Variants in ANKMY1 observed in about 807,000 individuals in gnomAD.
The protein encoded by ANKMY1 is ankyrin repeat and MYND domain-containing protein 1.
A neutral mutation model predicts 102.0 loss-of-function variants in ANKMY1; 98 were observed. The ratio of observed to expected loss-of-function variants is 0.96; its 90% confidence interval spans 0.82 to 1.14. The LOEUF (loss-of-function observed/expected upper bound fraction) is 1.14. Ranked by LOEUF, ANKMY1 falls within the 50% of genes most tolerant of loss-of-function variation. ANKMY1 has a pLI of 0.00. For synonymous variants in ANKMY1, 582 were observed against 559.9 expected (o/e 1.04, Z -0.56); for missense variants, 1,330 against 1,347.6 (o/e 0.99, Z 0.20).
intron 8 of ANKMY1, chr2:240,523,636 C>G: frequency 1.7e-6 from 1 of 605,052 alleles, no homozygotes; most frequent in Non-Finnish European, 2.8e-6. Flanking sequence ...TGGCGTGGTA[C>G]TGAAAACAGC....
At chr2:240,548,960 A>G (rs1230613735) in intron 4 of ANKMY1, among the ~76,000 whole-genome samples, 1 of 152,204 alleles carries the variant, frequency 6.6e-6, no homozygotes, top group Admixed American at 6.5e-5. Context: ...TACAGATTCA[A>G]TGCCATCCCC....
chr2:240,482,751 GAGA>G (rs1193295692), intron 15 of ANKMY1, among the ~76,000 whole-genome samples: 1 of 152,212 alleles, frequency 6.6e-6, no homozygotes, highest in East Asian at 1.9e-4. Context: ...CAGTATGCTT[GAGA>G]AGAACACAGG....
chr2:240,522,126 C>T (rs1382011869), intron 8 of ANKMY1: 1 of 149,388 alleles, frequency 6.7e-6, no homozygotes, highest in African/African-American at 2.4e-5. Flanking sequence ...GTCCATTTTA[C>T]AGAACGCTGA....
chr2:240,551,196 C>A (rs546891604), intron 4 of ANKMY1, among the ~76,000 whole-genome samples: 3 of 145,044 alleles, frequency 2.1e-5, no homozygotes, highest in African/African-American at 7.7e-5. Context: ...TTTTGTCTTT[C>A]AGAGTCAGGA....
At chr2:240,514,379 G>C (rs547198943) in intron 9 of ANKMY1, among the ~76,000 whole-genome samples, 3 of 152,124 alleles carry the variant, frequency 2.0e-5, no homozygotes, top group African/African-American at 7.2e-5. Context: ...CCAGTGCTAA[G>C]GTGACTTAAT....
chr2:240,509,437 G>C lies in ANKMY1; in HGVS notation c.2305C>G (p.Arg769Gly). ...TTTGCTCCGTGGGATAGAAGGAGCC[G>C]GACTATGTCCCTGGCACACTGGGTG... The part of the protein sequence containing the change: ...DDNKCARDIV[R>G]LLLSHGANPN... Residue 769 changes from arginine (R) to glycine (G), a missense_variant, in exon 12 of 18, where the codon CGG becomes GGG. Physicochemically the swap from Arg to Gly is moderately radical, Grantham distance 125 (BLOSUM62 -2). Coordinates refer to ENST00000401804, the MANE Select transcript of ANKMY1 (RefSeq NM_001282771.3). 6.2e-7 allele frequency: 1 copy of C among 1,612,786 alleles called. No individual in the cohort carries two copies. Among genetic ancestry groups the C allele is most frequent in the Non-Finnish European group, 8.5e-7 (1 of 1,179,384 alleles).
Position 240,524,185 on chromosome 2 carries a change from C to A in ANKMY1, c.1532G>T (p.Gly511Val). The A allele has an allele frequency of 6.2e-7, 1 of 1,613,876 alleles. No homozygotes were observed. Among genetic ancestry groups the A allele is most frequent in the Non-Finnish European group, 8.5e-7 (1 of 1,180,018 alleles). Residue 511 changes from glycine (G) to valine (V), a missense_variant, in exon 8 of 18, where the codon GGG becomes GTG. Transcript: ENST00000401804. ...AGAGCTGCTCCTGTGGTCTATGGAC[C>A]CCCCACACTGCCCGGTGTCCTGGAA... is the stretch of plus-strand genomic sequence containing the variant. ...GHFQDTGQCGGSIDHRSSSLK... is the reference protein window; with the variant it reads ...GHFQDTGQCGVSIDHRSSSLK...
Position 240,512,890 on chromosome 2 carries a change from C to T in ANKMY1, c.2057G>A (p.Gly686Glu). 6.2e-7 allele frequency: 1 copy of T among 1,613,990 alleles called. No individual in the cohort carries two copies. Among genetic ancestry groups the T allele is most frequent in the Non-Finnish European group, 8.5e-7 (1 of 1,179,980 alleles). Residue 686 changes from glycine to glutamate, a missense_variant, in exon 10 of 18, where the codon GGG becomes GAG. By Grantham distance (98) the Gly-to-Glu change is moderately conservative. Transcript: ENST00000401804. ...CAACAGCAGCTCCACAATCTGTACCCCCTCCTCCCCAGGAAGGGCGGCAGC... is the reference window on the plus strand; with the variant it reads ...CAACAGCAGCTCCACAATCTGTACCTCCTCCTCCCCAGGAAGGGCGGCAGC... ...HIAAALPGEE[G>E]VQIVELLLHA...
At chr2:240,476,361 C>T (rs964684840), downstream of ANKMY1, among the ~76,000 whole-genome samples, 14 of 152,220 alleles carry the variant, frequency 9.2e-5, no homozygotes, top group African/African-American at 3.4e-4. Flanking sequence ...CAAGTGACCA[C>T]AGTATCATCT....
intron 15 of ANKMY1, among the ~76,000 whole-genome samples, chr2:240,490,117 T>C (rs933166787): frequency 1.8e-4 from 27 of 151,862 alleles, no homozygotes; most frequent in African/African-American, 5.6e-4. Context: ...CTGATTTTAT[T>C]TACAGAGATT....
chr2:240,481,256 A>G (rs1326698141), intron 16 of ANKMY1, among the ~76,000 whole-genome samples, 159 bp from the exon 17 acceptor site: 1 of 151,382 alleles, frequency 6.6e-6, no homozygotes, highest in Non-Finnish European at 1.5e-5. Context: ...ACAGACAAAA[A>G]CCCCCAAGTC....
intron 4 of ANKMY1, among the ~76,000 whole-genome samples, chr2:240,551,991 C>T (rs1318054430): frequency 6.6e-6 from 1 of 152,218 alleles, no homozygotes; most frequent in African/African-American, 2.4e-5. Context: ...CTCACCAGAC[C>T]ATGGCATTCA....
At position 240,506,087 on chromosome 2, in the gene ANKMY1, C is replaced by G. The variant is rs376938037; in HGVS notation, c.2526+1473G>C. On this transcript the variant is annotated intron_variant, in intron 13 of 17. Transcript: ENST00000401804. The surrounding 1 kb of genome is among the most constrained non-coding windows in gnomAD (Gnocchi z 4.9). ...TGCTGGGGAGCCCCCTAACCCTGGA[C>G]GAGGTGCTGGGGAGCCCCCAACCCT... 6.6e-6 allele frequency among the ~76,000 whole-genome samples: 1 copy of G among 151,986 alleles called. No homozygotes were observed. Among genetic ancestry groups the G allele is most frequent in the South Asian group, 2.1e-4 (1 of 4,806 alleles).
In ANKMY1 at chr2:240,499,974, C is replaced by G. The variant is rs1385775755; in HGVS notation, c.2790G>C (p.Leu930=). The change falls in exon 15 of 18, where the codon CTG becomes CTC. Residue 930 remains leucine, a synonymous_variant. Transcript: ENST00000401804. This position sits in a 1 kb window ranked among gnomAD's most constrained non-coding sequence, Gnocchi z 4.2. The part of the protein sequence containing the change: ...AKESQWDPTW[L]YLCKRAELIP... ...ACTGCTCACCTCTCTTGCACAGGTA[C>G]AGCCACGTGGGGTCCCACTGGCTCT... The G allele has an allele frequency of 8.7e-6, 14 of 1,612,476 alleles. No individual in the cohort carries two copies. Among genetic ancestry groups the G allele is most frequent in the Middle Eastern group, 1.6e-4 (1 of 6,076 alleles).
At chr2:240,493,073 C>T (rs2076831749) in intron 15 of ANKMY1, among the ~76,000 whole-genome samples, 1 of 151,974 alleles carries the variant, frequency 6.6e-6, no homozygotes, top group African/African-American at 2.4e-5. Flanking sequence ...CCTGTAATCC[C>T]AACACTTTGG....
At position 240,520,260 on chromosome 2, in the gene ANKMY1, G is replaced by GC; in HGVS notation, c.2004+101dup. ...ACAGCCCAGGTGGTCGCCTGCAAGA[G>GC]CCCACCCCTCTCTTCCGCGCCTAGG... On this transcript the variant is annotated intron_variant, in intron 9 of 17. Coordinates refer to ENST00000401804, the MANE Select transcript of ANKMY1 (RefSeq NM_001282771.3). The surrounding 1 kb of genome is among the most constrained non-coding windows in gnomAD (Gnocchi z 4.8). The GC allele has an allele frequency of 6.7e-7, 1 of 1,481,790 alleles. No homozygotes were observed. Among genetic ancestry groups the GC allele is most frequent in the Non-Finnish European group, 9.1e-7 (1 of 1,098,098 alleles). The allele number at this position is 1,481,790 out of a possible 1,614,324, so 91.8% of individuals were successfully genotyped here.
In ANKMY1 at chr2:240,557,901, C is replaced by G; in HGVS notation, c.-38G>C. On this transcript the variant is annotated 5_prime_UTR_variant, in exon 1 of 18. Coordinates refer to ENST00000401804, the MANE Select transcript of ANKMY1 (RefSeq NM_001282771.3). ...CGCACCAAGCAAGACTCGAAGAGCT[C>G]GCGCCGGACAGCAGGGAGACCGACG... is the stretch of plus-strand genomic sequence containing the variant. 1.0e-6 allele frequency: 1 copy of G among 985,598 alleles called. No individual in the cohort carries two copies. The highest frequency in any genetic ancestry group is 1.2e-6 in the Non-Finnish European group (1 of 830,036). The allele number at this position is 985,598 out of a possible 1,614,324, so 61.1% of individuals were successfully genotyped here. A position where few individuals can be genotyped will look rare whatever the true frequency, so the allele number is the denominator to read the frequency against.
At chr2:240,519,114 A>C (rs2081678857) in intron 9 of ANKMY1, among the ~76,000 whole-genome samples, 1 of 152,254 alleles carries the variant, frequency 6.6e-6, no homozygotes, top group Non-Finnish European at 1.5e-5. Context: ...AAGTGGACAG[A>C]AGCCCATCAT....
intron 4 of ANKMY1, among the ~76,000 whole-genome samples, chr2:240,542,069 G>T (rs988800925): frequency 6.6e-6 from 1 of 152,022 alleles, no homozygotes; most frequent in African/African-American, 2.4e-5. Flanking sequence ...TTAGCTGGGC[G>T]TAGTGGCGTT....
Sources: gnomAD v4.1 joint callset for allele counts (sites outside exome capture counted in the v4.1 genomes callset) on GRCh38, gnomAD v4.1.1 for gene constraint, Gnocchi (gnomAD v3.1) non-coding constraint, MANE v1.5 for transcripts, NCBI Gene and HGNC (gene_info 2026-07-23, HGNC 2026-07-21) for gene names.